Variants in CSMD1 observed in about 807,000 individuals in gnomAD.
CSMD1 encodes CUB and sushi domain-containing protein 1.
Under a neutral mutation model 417.5 loss-of-function variants are expected in CSMD1, and 213 were observed. The observed-to-expected ratio is 0.51, with a 90% CI of 0.46 to 0.57. The LOEUF (loss-of-function observed/expected upper bound fraction) is 0.57, where lower values mean the gene tolerates loss of function less well. Ranked by LOEUF, CSMD1 falls within the 20% of genes least tolerant of loss-of-function variation. The pLI is 0.00. For synonymous variants in CSMD1, 2,862 were observed against 1,736.8 expected (o/e 1.65, Z -16.11); for missense variants, 6,923 against 4,529.7 (o/e 1.53, Z -15.17).
At chr8:4,651,964 G>T (rs555761610) in intron 1 of CSMD1, among the ~76,000 whole-genome samples, 4 of 152,104 alleles carry the variant, frequency 2.6e-5, no homozygotes, top group South Asian at 4.1e-4. Context: ...AATCCTCTGG[G>T]TCTAGCTCCC....
intron 10 of CSMD1, among the ~76,000 whole-genome samples, chr8:3,499,255 T>C (rs1006195943): frequency 6.6e-6 from 1 of 152,232 alleles, no homozygotes; most frequent in Non-Finnish European, 1.5e-5. Flanking sequence ...TATTTGGTTG[T>C]AATCAATGTC....
chr8:4,914,798 G>A lies in CSMD1; in HGVS notation c.85+79534C>T, dbSNP rs1470089277. Among the ~76,000 whole-genome samples, 4 of 152,130 alleles carry A rather than the reference G, an allele frequency of 2.6e-5. 1 individual carries two copies. Among genetic ancestry groups the A allele is most frequent in the Admixed American group, 2.0e-4 (3 of 15,270 alleles). On this transcript the variant is annotated intron_variant, in intron 1 of 69. Transcript: ENST00000635120. The stretch of plus-strand genomic sequence containing the variant: ...GCATGAGTTCCCATGTAACCACAAT[G>A]TAAGACAAAGCTGTGGCAGAGGCCT...
At chr8:3,297,555 CAATAAAGA>C (rs1429103542) in intron 25 of CSMD1, among the ~76,000 whole-genome samples, 1 of 151,682 alleles carries the variant, frequency 6.6e-6, no homozygotes, top group African/African-American at 2.4e-5. Context: ...TACTATAGTG[CAATAAAGA>C]AATAAATCAC....
In CSMD1 at chr8:3,963,955, G is replaced by T. The variant is rs183357307; in HGVS notation, c.818+33948C>A. Among the ~76,000 whole-genome samples the T allele has an allele frequency of 4.6e-5, 7 of 152,176 alleles. No homozygotes were observed. The East Asian group carries it at 9.6e-4, about 21-fold the overall frequency. On this transcript the variant is annotated intron_variant, in intron 5 of 69. Transcript: ENST00000635120. ...TCAGAAGAAAAAGAAGAAAAAGTTC[G>T]TTGGATTTAAAGGTATTAAGTCAAA...
chr8:4,266,879 C>T lies in CSMD1; in HGVS notation c.415+153074G>A, dbSNP rs528976844. Among the ~76,000 whole-genome samples, 11 of 103,828 alleles carry T rather than the reference C, an allele frequency of 1.1e-4. 3 individuals carry two copies. Among genetic ancestry groups the T allele is most frequent in the African/African-American group, 2.9e-4 (11 of 38,284 alleles). 68.1% of individuals were successfully genotyped at this position (103,828 alleles called of 152,430 possible). ...AATATTTGAAAACATATTAATTCAA[C>T]GTGTTAAGATGGAAGAAGAAACAAA... On this transcript the variant is annotated intron_variant, in intron 3 of 69. Transcript: ENST00000635120.
At chr8:4,146,051 A>G (rs1427625916) in intron 3 of CSMD1, among the ~76,000 whole-genome samples, 1 of 150,838 alleles carries the variant, frequency 6.6e-6, no homozygotes, top group Non-Finnish European at 1.5e-5. Flanking sequence ...ACTTAGCAAC[A>G]TTGCAGACAC....
At chr8:4,751,463 C>A (rs200626619) in intron 1 of CSMD1, among the ~76,000 whole-genome samples, 8 of 152,194 alleles carry the variant, frequency 5.3e-5, no homozygotes, top group African/African-American at 1.9e-4. Context: ...GTTCATTACC[C>A]TAAATAGCAT....
chr8:4,190,054 C>T (rs544846293), intron 3 of CSMD1, among the ~76,000 whole-genome samples: 8 of 151,630 alleles, frequency 5.3e-5, no homozygotes, highest in African/African-American at 1.9e-4. Context: ...GTCAGGAGAT[C>T]GAGACCATCC....
intron 15 of CSMD1, among the ~76,000 whole-genome samples, chr8:3,401,052 T>C (rs2116874777): frequency 6.6e-6 from 1 of 151,930 alleles, no homozygotes; most frequent in East Asian, 1.9e-4. Context: ...CATAATTATA[T>C]GTAATTCAAT....
intron 2 of CSMD1, among the ~76,000 whole-genome samples, chr8:4,547,049 A>T (rs184101408): frequency 6.6e-6 from 1 of 152,220 alleles, no homozygotes; most frequent in Non-Finnish European, 1.5e-5. Flanking sequence ...AAATTCATAC[A>T]TCCAACTACC....
intron 7 of CSMD1, among the ~76,000 whole-genome samples, chr8:3,682,591 G>C (rs551206676): frequency 6.6e-6 from 1 of 152,288 alleles, no homozygotes; most frequent in South Asian, 2.1e-4. Flanking sequence ...GACACTGTTG[G>C]TGGGACTGTA....
At chr8:3,100,269 G>T in intron 46 of CSMD1, among the ~76,000 whole-genome samples, 1 of 152,128 alleles carries the variant, frequency 6.6e-6, no homozygotes, top group East Asian at 1.9e-4. Context: ...GCCCAGGCTG[G>T]TCTCCAACTC....
chr8:3,379,954 G>A (rs1457972970), intron 18 of CSMD1, among the ~76,000 whole-genome samples: 10 of 152,196 alleles, frequency 6.6e-5, no homozygotes, highest in Admixed American at 5.9e-4. Context: ...GAGTGAACAG[G>A]CAACCTACAG....
At chr8:3,027,545 G>A (rs917437497) in intron 51 of CSMD1, among the ~76,000 whole-genome samples, 1 of 152,206 alleles carries the variant, frequency 6.6e-6, no homozygotes, top group Admixed American at 6.5e-5. Flanking sequence ...GGAATCCAGT[G>A]ACTCTGGAAA....
At chr8:4,549,576 CT>C (rs1298916144) in intron 2 of CSMD1, among the ~76,000 whole-genome samples, 12 of 152,064 alleles carry the variant, frequency 7.9e-5, no homozygotes, top group Non-Finnish European at 1.6e-4. Context: ...TTACGTGATG[CT>C]GGCACTCTTG....
chr8:4,937,878 C>T (rs777187230), intron 1 of CSMD1, among the ~76,000 whole-genome samples: 4 of 152,046 alleles, frequency 2.6e-5, no homozygotes. Flanking sequence ...ATTAACATTA[C>T]AATTTTCACC....
chr8:3,856,782 G>A (rs1191502291), intron 5 of CSMD1, among the ~76,000 whole-genome samples: 1 of 152,124 alleles, frequency 6.6e-6, no homozygotes, highest in Non-Finnish European at 1.5e-5. Flanking sequence ...AGGAGACTGA[G>A]CATATTACAG....
intron 53 of CSMD1, among the ~76,000 whole-genome samples, chr8:2,999,685 A>G (rs1807225922): frequency 6.6e-6 from 1 of 152,000 alleles, no homozygotes; most frequent in South Asian, 2.1e-4. Context: ...CCATGACACC[A>G]CTTGGCCAGG....
chr8:3,867,117 T>C (rs2129109340), intron 5 of CSMD1, among the ~76,000 whole-genome samples: 1 of 152,346 alleles, frequency 6.6e-6, no homozygotes, highest in Non-Finnish European at 1.5e-5. Context: ...TTGATTTTTT[T>C]TCTACTATAC....
Sources: gnomAD v4.1 joint callset for allele counts (sites outside exome capture counted in the v4.1 genomes callset) on GRCh38, gnomAD v4.1.1 for gene constraint, MANE v1.5 for transcripts, NCBI Gene and HGNC (gene_info 2026-07-23, HGNC 2026-07-21) for gene names.